Variants in KDM6A observed in about 807,000 individuals in gnomAD.
KDM6A encodes the protein lysine demethylase 6A, also known as lysine-specific demethylase 6A.
Under a neutral mutation model 117.6 loss-of-function variants are expected in KDM6A, and 11 were observed. The ratio of observed to expected loss-of-function variants is 0.09; its 90% confidence interval spans 0.06 to 0.15. The LOEUF is 0.15. Among genes scored for constraint, KDM6A ranks in the 10% least tolerant of loss-of-function variants. The probability of loss-of-function intolerance (pLI) is 1.00; values close to 1 mark genes in which losing one functional copy is unlikely to be tolerated. For synonymous variants in KDM6A, 384 were observed against 396.1 expected, an observed-to-expected ratio of 0.97 and a Z score of 0.36; for missense variants, 799 against 1,077.3, an observed-to-expected ratio of 0.74 and a Z score of 3.62.
chrX:45,112,527 A>T lies in KDM6A; in HGVS notation c.*1116A>T, dbSNP rs2148318824. 7.2e-6 allele frequency: 1 copy of T among 138,019 alleles called. No individual in the cohort carries two copies. The highest frequency in any genetic ancestry group is 3.1e-5 in the African/African-American group (1 of 31,776). 11.4% of individuals were successfully genotyped at this position (138,019 alleles called of 1,213,427 possible). ...AATATATATGGTATGTATCCTCAAG[A>T]CCTAAAATGTCAGACTGGTTTATTG... On this transcript the variant is annotated 3_prime_UTR_variant, in exon 30 of 30. Transcript: ENST00000611820.
intron 18 of KDM6A, among the ~76,000 whole-genome samples, chrX:45,075,323 CT>C (rs1251184778): frequency 9.0e-6 from 1 of 111,358 alleles, no homozygotes; most frequent in Non-Finnish European, 1.9e-5. Flanking sequence ...TTGGTACCAA[CT>C]TTATACCCAA....
chrX:44,983,746 T>C (rs2040033789), intron 4 of KDM6A, among the ~76,000 whole-genome samples: 1 of 110,904 alleles, frequency 9.0e-6, no homozygotes, highest in Non-Finnish European at 1.9e-5. Flanking sequence ...CATGAACTCA[T>C]TTTTTATGGC....
intron 8 of KDM6A, among the ~76,000 whole-genome samples, chrX:45,041,074 G>A (rs1217215562): frequency 1.3e-5 from 1 of 79,243 alleles, no homozygotes; most frequent in Non-Finnish European, 2.4e-5. Flanking sequence ...GGGGCGGCCG[G>A]GCAGAGGCAC....
At chrX:45,106,455 T>C (rs781493962) in intron 27 of KDM6A, 1 of 306,847 alleles carries the variant, frequency 3.3e-6, no homozygotes, top group South Asian at 3.2e-5. Context: ...AGGTGGTGAG[T>C]AGATAAGTAG....
intron 2 of KDM6A, among the ~76,000 whole-genome samples, chrX:44,943,563 A>G (rs887988678): frequency 1.8e-5 from 2 of 112,031 alleles, no homozygotes; most frequent in Non-Finnish European, 3.8e-5. Context: ...TGATCTTTTG[A>G]GACTGGCTTC....
Position 44,961,517 on chromosome X carries a change from A to G in KDM6A, c.334+125A>G, listed in dbSNP as rs1047902228. On this transcript the variant is annotated intron_variant, in intron 3 of 29. Coordinates refer to ENST00000611820, the MANE Select transcript of KDM6A (RefSeq NM_001291415.2). ...ATGAGCAAACTAAACAATGAGGAAG[A>G]AAAGTAGAGTAGATGGAAATGGAAA... 4 of 471,269 alleles carry G rather than the reference A, an allele frequency of 8.5e-6. No homozygotes were observed. In the African/African-American group the frequency reaches 9.7e-5, roughly 11 times the overall value. 38.8% of individuals were successfully genotyped at this position (471,269 alleles called of 1,213,427 possible).
chrX:45,068,203 C>T (rs2044626428), intron 17 of KDM6A, among the ~76,000 whole-genome samples: 1 of 111,347 alleles, frequency 9.0e-6, no homozygotes, highest in African/African-American at 3.3e-5. Context: ...AATGTAAACT[C>T]GTTTTATGAT....
At chrX:45,024,368 T>G (rs2042281871) in intron 6 of KDM6A, among the ~76,000 whole-genome samples, 2 of 112,233 alleles carry the variant, frequency 1.8e-5, no homozygotes. Context: ...TGGATTTGAT[T>G]TGCATTTCCC....
chrX:45,027,569 C>T (rs112742298), intron 6 of KDM6A, among the ~76,000 whole-genome samples: 3 of 110,642 alleles, frequency 2.7e-5, no homozygotes, highest in Non-Finnish European at 5.7e-5. Context: ...AAAGTCCTAT[C>T]CCCTTGCCAC....
chrX:45,024,029 C>T (rs1431194946), intron 6 of KDM6A, among the ~76,000 whole-genome samples: 1 of 112,148 alleles, frequency 8.9e-6, no homozygotes, highest in African/African-American at 3.2e-5. Context: ...TCTTTATCCA[C>T]TCATTGGTTG....
intron 29 of KDM6A, among the ~76,000 whole-genome samples, chrX:45,111,178 A>G (rs2046755063): frequency 9.0e-6 from 1 of 111,125 alleles, no homozygotes; most frequent in Admixed American, 9.6e-5. Flanking sequence ...TTGCAAGTAC[A>G]CTGAGTAGGA....
intron 4 of KDM6A, among the ~76,000 whole-genome samples, chrX:45,009,280 G>A (rs1017548658): frequency 2.7e-5 from 3 of 112,355 alleles, no homozygotes; most frequent in Non-Finnish European, 3.8e-5. Context: ...TCCCAGAACT[G>A]AGGGTTCCTC....
At chrX:44,933,580 T>C (rs2036794489) in intron 2 of KDM6A, among the ~76,000 whole-genome samples, 1 of 77,558 alleles carries the variant, frequency 1.3e-5, no homozygotes, top group Admixed American at 1.2e-4. Flanking sequence ...GCCGATGTTT[T>C]TGTTTGTTTG....
intron 2 of KDM6A, among the ~76,000 whole-genome samples, chrX:44,918,962 G>A (rs933622793): frequency 9.0e-6 from 1 of 111,443 alleles, no homozygotes; most frequent in Admixed American, 9.6e-5. Context: ...ATGTCAAAGA[G>A]GTACGTCATA....
intron 21 of KDM6A, among the ~76,000 whole-genome samples, chrX:45,081,879 C>T (rs995472863): frequency 9.1e-6 from 1 of 109,893 alleles, no homozygotes; most frequent in Admixed American, 9.7e-5. Flanking sequence ...CCCGGGTTCA[C>T]GCCATTCTCC....
intron 2 of KDM6A, among the ~76,000 whole-genome samples, chrX:44,904,739 G>C (rs1231212030): frequency 9.0e-6 from 1 of 111,710 alleles, no homozygotes; most frequent in Admixed American, 9.6e-5. Context: ...GGCTTTTCAG[G>C]CTGCTGGATT....
At chrX:45,054,561 A>G (rs1291332993) in intron 10 of KDM6A, among the ~76,000 whole-genome samples, 1 of 112,017 alleles carries the variant, frequency 8.9e-6, no homozygotes, top group Non-Finnish European at 1.9e-5. Flanking sequence ...TATCCATTGA[A>G]TGTCTGAATT....
At chrX:45,037,777 A>G in intron 8 of KDM6A, 88 bp downstream of exon 8, 1 of 757,773 alleles carries the variant, frequency 1.3e-6, no homozygotes. Flanking sequence ...AAGTGTACAG[A>G]TAATTTAATG....
chrX:44,940,263 A>C (rs1170136250), intron 2 of KDM6A, among the ~76,000 whole-genome samples: 1 of 111,114 alleles, frequency 9.0e-6, no homozygotes, highest in East Asian at 2.8e-4. Flanking sequence ...CATGTTGGCC[A>C]GGCTGGTCTT....
Sources: allele counts gnomAD v4.1 joint callset (sites outside exome capture counted in the v4.1 genomes callset), GRCh38; gene constraint gnomAD v4.1.1; transcripts MANE v1.5; gene names NCBI Gene and HGNC (gene_info 2026-07-23, HGNC 2026-07-21).